EPHA6: variants seen among roughly 807,000 people sequenced by gnomAD.
EPHA6 encodes EPH receptor A6, also known as ephrin type-A receptor 6.
A neutral mutation model predicts 112.0 loss-of-function variants in EPHA6; 50 were observed. That is an observed-to-expected ratio of 0.45 (90% CI 0.36 to 0.56). The LOEUF (loss-of-function observed/expected upper bound fraction) is 0.56. Ranked by LOEUF, EPHA6 falls within the 20% of genes least tolerant of loss-of-function variation. The probability of loss-of-function intolerance (pLI) is 0.00; values close to 1 mark genes in which losing one functional copy is unlikely to be tolerated. For synonymous variants in EPHA6, 529 were observed against 490.7 expected, an observed-to-expected ratio of 1.08 and a Z score of -1.03; for missense variants, 1,280 against 1,417.4, an observed-to-expected ratio of 0.90 and a Z score of 1.56.
At chr3:97,490,280 C>T (rs1577558165) in intron 10 of EPHA6, among the ~76,000 whole-genome samples, 1 of 152,036 alleles carries the variant, frequency 6.6e-6, no homozygotes, top group East Asian at 1.9e-4. Context: ...TCATAGAGGA[C>T]ATTTGGGAAT....
At chr3:97,707,636 T>G (rs1475233042) in intron 14 of EPHA6, among the ~76,000 whole-genome samples, 2 of 152,208 alleles carry the variant, frequency 1.3e-5, no homozygotes, top group African/African-American at 4.8e-5. Context: ...TTAATCAATT[T>G]ACCCCAGCTT....
intron 2 of EPHA6, among the ~76,000 whole-genome samples, chr3:96,944,597 G>A (rs938346474): frequency 3.3e-5 from 5 of 152,110 alleles, no homozygotes; most frequent in Admixed American, 6.5e-5. Context: ...AGTGGCTCAC[G>A]CCTGTAATCC....
At chr3:97,032,250 G>A (rs1202062946) in intron 3 of EPHA6, among the ~76,000 whole-genome samples, 2 of 151,958 alleles carry the variant, frequency 1.3e-5, no homozygotes, top group Non-Finnish European at 2.9e-5. Context: ...TGAACAATGA[G>A]AACAACTTGG....
At chr3:96,994,478 G>A (rs545362272) in intron 3 of EPHA6, among the ~76,000 whole-genome samples, 53 of 151,794 alleles carry the variant, frequency 3.5e-4, no homozygotes, top group Admixed American at 8.6e-4. Context: ...TATATGTCTA[G>A]GACTATTTTA....
At chr3:97,189,717 C>T (rs1470839289) in intron 3 of EPHA6, among the ~76,000 whole-genome samples, 2 of 152,004 alleles carry the variant, frequency 1.3e-5, no homozygotes, top group Non-Finnish European at 2.9e-5. Context: ...TCAAGGGAAG[C>T]TTAGAAACAT....
At chr3:96,848,230 G>A (rs535272587) in intron 1 of EPHA6, among the ~76,000 whole-genome samples, 2 of 152,084 alleles carry the variant, frequency 1.3e-5, no homozygotes, top group East Asian at 1.9e-4. Flanking sequence ...CCTAGACTAA[G>A]TTTTCAGTTA....
At chr3:97,667,676 T>C (rs1186663213) in intron 14 of EPHA6, among the ~76,000 whole-genome samples, 1 of 152,190 alleles carries the variant, frequency 6.6e-6, no homozygotes, top group African/African-American at 2.4e-5. Flanking sequence ...AAAGTATACT[T>C]TGTAGAGAAC....
chr3:96,989,507 C>A (rs1437805521), intron 3 of EPHA6, among the ~76,000 whole-genome samples: 1 of 152,094 alleles, frequency 6.6e-6, no homozygotes, highest in Non-Finnish European at 1.5e-5. Context: ...GAGTTAGGAT[C>A]TAAAGATATT....
At chr3:96,837,049 G>T (rs779289077) in intron 1 of EPHA6, among the ~76,000 whole-genome samples, 10 of 152,094 alleles carry the variant, frequency 6.6e-5, no homozygotes, top group Non-Finnish European at 1.2e-4. Flanking sequence ...AGGGCATCTA[G>T]ACTGAGTGAT....
At chr3:97,061,087 C>T (rs2046007869) in intron 3 of EPHA6, among the ~76,000 whole-genome samples, 1 of 151,958 alleles carries the variant, frequency 6.6e-6, no homozygotes, top group Non-Finnish European at 1.5e-5. Flanking sequence ...TGGTAACAGA[C>T]ATTACAAAAT....
chr3:96,953,713 AC>A (rs55872226), intron 2 of EPHA6, among the ~76,000 whole-genome samples: 10,521 of 152,114 alleles, frequency 0.069, 718 homozygotes, highest in Admixed American at 0.21. Flanking sequence ...CATCTATATC[AC>A]CATATGCTGA....
At chr3:97,668,911 CAAAA>C (rs397990599) in intron 14 of EPHA6, among the ~76,000 whole-genome samples, 33 of 31,902 alleles carry the variant, frequency 1.0e-3, no homozygotes, top group African/African-American at 3.0e-3. Flanking sequence ...GACTCTGTCT[CAAAA>C]AAAAAAAAAA....
chr3:97,477,930 G>A (rs1038901023), intron 8 of EPHA6, among the ~76,000 whole-genome samples: 1 of 151,998 alleles, frequency 6.6e-6, no homozygotes, highest in Non-Finnish European at 1.5e-5. Context: ...TAGGTATGAT[G>A]GTTGATTTTG....
At chr3:97,054,002 G>C (rs902140731) in intron 3 of EPHA6, among the ~76,000 whole-genome samples, 4 of 152,006 alleles carry the variant, frequency 2.6e-5, no homozygotes, top group African/African-American at 9.7e-5. Flanking sequence ...GGTTCTTTCT[G>C]TTATAACACA....
chr3:97,152,366 T>A (rs1052576391), intron 3 of EPHA6, among the ~76,000 whole-genome samples: 1 of 151,068 alleles, frequency 6.6e-6, no homozygotes, highest in Non-Finnish European at 1.5e-5. Context: ...ATAATAAAAA[T>A]TATTTATGTG....
chr3:97,042,469 C>G (rs1043533894), intron 3 of EPHA6, among the ~76,000 whole-genome samples: 1 of 152,076 alleles, frequency 6.6e-6, no homozygotes, highest in Non-Finnish European at 1.5e-5. Context: ...GTATTTCTTT[C>G]TAGCAATGCA....
chr3:97,232,282 A>G (rs1398348618), intron 4 of EPHA6, among the ~76,000 whole-genome samples: 1 of 152,216 alleles, frequency 6.6e-6, no homozygotes, highest in Admixed American at 6.5e-5. Context: ...TAAAAACAGT[A>G]GCTTGCACAT....
At chr3:97,187,907 T>G (rs1171419814) in intron 3 of EPHA6, among the ~76,000 whole-genome samples, 1 of 151,914 alleles carries the variant, frequency 6.6e-6, no homozygotes, top group Admixed American at 6.6e-5. Flanking sequence ...TCTTTTACAC[T>G]CTCCCAAAAT....
chr3:97,421,242 A>G (rs898719204), intron 6 of EPHA6, among the ~76,000 whole-genome samples: 1 of 152,140 alleles, frequency 6.6e-6, no homozygotes, highest in Non-Finnish European at 1.5e-5. Flanking sequence ...AAAACCCCAC[A>G]TTATTCCAGA....
Sources: allele counts gnomAD v4.1 joint callset (sites outside exome capture counted in the v4.1 genomes callset), GRCh38; gene constraint gnomAD v4.1.1; transcripts MANE v1.5; gene names NCBI Gene and HGNC (gene_info 2026-07-23, HGNC 2026-07-21).